DCC: variants seen among roughly 807,000 people sequenced by gnomAD.
DCC encodes netrin receptor DCC.
Under a neutral mutation model 172.5 loss-of-function variants are expected in DCC, and 58 were observed. The ratio of observed to expected loss-of-function variants is 0.34; its 90% CI spans 0.27 to 0.42. DCC has a LOEUF of 0.42. Ranked by LOEUF, DCC falls within the 10% of genes least tolerant of loss-of-function variation. The pLI, the probability that DCC is intolerant of heterozygous loss-of-function variation, is 1.00. For synonymous variants in DCC, 709 were observed against 644.5 expected (o/e 1.10, Z -1.52); for missense variants, 1,740 against 1,791.0 (o/e 0.97, Z 0.51).
At chr18:52,442,974 A>G (rs890775014) in intron 1 of DCC, among the ~76,000 whole-genome samples, 3 of 152,022 alleles carry the variant, frequency 2.0e-5, no homozygotes, top group African/African-American at 7.2e-5. Context: ...CATGAGGAAA[A>G]TAGGGCCCAA....
chr18:53,251,596 G>A (rs193010666), intron 12 of DCC, among the ~76,000 whole-genome samples: 225 of 151,912 alleles, frequency 1.5e-3, no homozygotes, highest in Non-Finnish European at 2.3e-3. Context: ...AATAAGTATG[G>A]ATTCTCTTTG....
rs916725818 is a variant in DCC at position 53,450,651 on chromosome 18, C to T, written c.3381C>T (p.Ala1127=). 3 of 1,613,302 alleles carry T rather than the reference C, an allele frequency of 1.9e-6. No homozygotes were observed. The highest frequency in any genetic ancestry group is 1.3e-5 in the African/African-American group (1 of 74,866). Residue 1127 remains alanine (A), a synonymous_variant, in exon 23 of 29, where the codon GCC becomes GCT. Transcript: ENST00000442544. ...TGATTTGCACCCGACGCTCTTCAGCCCAGCAGAGAAAGTAGGTAACAGCTG... is the reference window on the plus strand; with the variant it reads ...TGATTTGCACCCGACGCTCTTCAGCTCAGCAGAGAAAGTAGGTAACAGCTG... ...VAVICTRRSS[A]QQRKKRATHS... is the part of the protein sequence containing the mutation.
At chr18:52,859,010 G>A (rs903488870) in intron 2 of DCC, among the ~76,000 whole-genome samples, 60 of 151,820 alleles carry the variant, frequency 4.0e-4, no homozygotes, top group Admixed American at 3.5e-3. Flanking sequence ...TCATATATTA[G>A]TGATGTTAAA....
chr18:52,675,467 C>G (rs1050524547), intron 1 of DCC, among the ~76,000 whole-genome samples: 7 of 152,142 alleles, frequency 4.6e-5, no homozygotes, highest in African/African-American at 1.4e-4. Flanking sequence ...CCTTCCTGGA[C>G]CAAATCAACG....
intron 2 of DCC, among the ~76,000 whole-genome samples, chr18:52,828,588 A>G (rs1202948309): frequency 2.0e-5 from 3 of 152,094 alleles, no homozygotes; most frequent in Non-Finnish European, 4.4e-5. Context: ...CTTTGTTGTC[A>G]TTGTGAATAA....
At chr18:52,981,226 A>G (rs771083769) in intron 5 of DCC, among the ~76,000 whole-genome samples, 19 of 152,302 alleles carry the variant, frequency 1.2e-4, no homozygotes, top group Non-Finnish European at 1.8e-4. Flanking sequence ...GCAAAAAACC[A>G]AAACCTGTAG....
chr18:52,727,655 G>T (rs1283526890), intron 1 of DCC, among the ~76,000 whole-genome samples: 2 of 151,974 alleles, frequency 1.3e-5, no homozygotes, highest in Non-Finnish European at 2.9e-5. Flanking sequence ...TGTTGAAATT[G>T]CAAAATCCAG....
intron 5 of DCC, among the ~76,000 whole-genome samples, chr18:53,007,509 G>A (rs764624922): frequency 6.6e-6 from 1 of 151,992 alleles, no homozygotes; most frequent in Non-Finnish European, 1.5e-5. Context: ...ACCTAATTTG[G>A]AATCACAGTG....
chr18:53,161,794 G>A (rs902137101), intron 8 of DCC, among the ~76,000 whole-genome samples: 1 of 151,978 alleles, frequency 6.6e-6, no homozygotes, highest in African/African-American at 2.4e-5. Context: ...TTCTTATTAT[G>A]AAATCCGTCA....
At chr18:52,422,642 G>C (rs374884570) in intron 1 of DCC, among the ~76,000 whole-genome samples, 28 of 152,142 alleles carry the variant, frequency 1.8e-4, no homozygotes, top group African/African-American at 6.5e-4. Context: ...TTCATTCCAG[G>C]ATGACACAAA....
intron 1 of DCC, among the ~76,000 whole-genome samples, chr18:52,627,968 CTT>C (rs1419283802): frequency 6.6e-6 from 1 of 152,180 alleles, no homozygotes. Flanking sequence ...CTAGCCCTCT[CTT>C]TTTCTTTCAG....
intron 24 of DCC, among the ~76,000 whole-genome samples, chr18:53,467,590 C>A (rs1178007998): frequency 6.6e-6 from 1 of 152,084 alleles, no homozygotes; most frequent in African/African-American, 2.4e-5. Flanking sequence ...AAAAAGTATG[C>A]ATGATATAAT....
At chr18:53,040,049 G>A (rs1377680126) in intron 5 of DCC, among the ~76,000 whole-genome samples, 1 of 151,780 alleles carries the variant, frequency 6.6e-6, no homozygotes, top group Non-Finnish European at 1.5e-5. Context: ...AAATAAATAG[G>A]TATTACAGAG....
At chr18:53,508,606 G>A (rs2046213556) in intron 27 of DCC, among the ~76,000 whole-genome samples, 1 of 152,008 alleles carries the variant, frequency 6.6e-6, no homozygotes, top group South Asian at 2.1e-4. Flanking sequence ...TTTCTTTTTG[G>A]CTACGCTCTG....
intron 1 of DCC, among the ~76,000 whole-genome samples, chr18:52,341,161 G>T (rs1329246534): frequency 2.0e-5 from 3 of 148,928 alleles, no homozygotes; most frequent in Non-Finnish European, 4.4e-5. Flanking sequence ...TTGGAGAGCC[G>T]GCGGGCTGGG....
At chr18:52,837,718 G>T (rs1250984024) in intron 2 of DCC, among the ~76,000 whole-genome samples, 1 of 152,080 alleles carries the variant, frequency 6.6e-6, no homozygotes, top group Non-Finnish European at 1.5e-5. Flanking sequence ...CAGTTCTAAC[G>T]TTACTTCCAC....
At chr18:52,966,469 A>G (rs1366825855) in intron 5 of DCC, among the ~76,000 whole-genome samples, 2 of 152,162 alleles carry the variant, frequency 1.3e-5, no homozygotes, top group African/African-American at 4.8e-5. Context: ...TCTGCTGTGC[A>G]GTATCCCCCA....
At chr18:52,415,640 G>A (rs1346927106) in intron 1 of DCC, among the ~76,000 whole-genome samples, 1 of 152,104 alleles carries the variant, frequency 6.6e-6, no homozygotes, top group African/African-American at 2.4e-5. Flanking sequence ...ATGGAGAGGT[G>A]ATTAGGGAGG....
chr18:53,459,418 G>A lies in DCC; in HGVS notation c.3579G>A (p.Gln1193=), dbSNP rs202127302. Residue 1193 remains glutamine (Q), a synonymous_variant, in exon 24 of 29, where the codon CAG becomes CAA. Coordinates refer to ENST00000442544, the MANE Select transcript of DCC (RefSeq NM_005215.4). ...CQDLTPVSHS[Q]SETQLGSKST... ...ACCTCACACCAGTCAGCCACAGCCA[G>A]TCAGAAACCCAACTGGGAAGCAAAA... 6.2e-7 allele frequency: 1 copy of A among 1,613,932 alleles called. No individual in the cohort carries two copies.
Sources: gnomAD v4.1 joint callset for allele counts (sites outside exome capture counted in the v4.1 genomes callset) on GRCh38, gnomAD v4.1.1 for gene constraint, MANE v1.5 for transcripts, NCBI Gene and HGNC (gene_info 2026-07-23, HGNC 2026-07-21) for gene names.